THADA: variants seen among roughly 807,000 people sequenced by gnomAD.
THADA encodes tRNA (32-2'-O)-methyltransferase regulator THADA.
In THADA, 213 loss-of-function variants were observed where a neutral mutation model predicts 219.8. The ratio of observed to expected loss-of-function variants is 0.97; its 90% CI spans 0.87 to 1.09. The LOEUF is 1.09. Ranked by LOEUF, THADA falls within the 50% of genes least tolerant of loss-of-function variation. THADA has a pLI of 0.00. For synonymous variants in THADA, 1,018 were observed against 828.9 expected (o/e 1.23, Z -3.92); for missense variants, 2,956 against 2,311.3 (o/e 1.28, Z -5.72).
chr2:43,399,537 G>A (rs1489744933), intron 28 of THADA, among the ~76,000 whole-genome samples: 2 of 152,132 alleles, frequency 1.3e-5, no homozygotes, highest in Admixed American at 1.3e-4. Context: ...GGGGAGGCAG[G>A]GGAAGAGGAA....
chr2:43,557,895 T>C (rs1302659043), intron 16 of THADA, among the ~76,000 whole-genome samples: 1 of 152,256 alleles, frequency 6.6e-6, no homozygotes, highest in African/African-American at 2.4e-5. Context: ...AAATATCTGT[T>C]TATTTCAATT....
At chr2:43,293,378 C>CT (rs1674976564) in intron 31 of THADA, among the ~76,000 whole-genome samples, 165 bp from the exon 32 acceptor site, 1 of 152,190 alleles carries the variant, frequency 6.6e-6, no homozygotes, top group South Asian at 2.1e-4. Flanking sequence ...GTTCAGACTT[C>CT]TAGTCCACAA....
intron 29 of THADA, among the ~76,000 whole-genome samples, chr2:43,345,645 C>A (rs1443956464): frequency 6.6e-6 from 1 of 152,124 alleles, no homozygotes; most frequent in Non-Finnish European, 1.5e-5. Context: ...GAAAAAATAC[C>A]TTCCTCAGCC....
chr2:43,396,157 C>A (rs1449484438), intron 29 of THADA, among the ~76,000 whole-genome samples: 1 of 152,242 alleles, frequency 6.6e-6, no homozygotes, highest in Non-Finnish European at 1.5e-5. Flanking sequence ...AATTTGAAAA[C>A]TGCCAACCTA....
chr2:43,297,823 G>C (rs1675716320), intron 31 of THADA, among the ~76,000 whole-genome samples: 1 of 123,630 alleles, frequency 8.1e-6, no homozygotes, highest in Non-Finnish European at 1.7e-5. Flanking sequence ...GAGGGAGGTG[G>C]GGGGGGATCA....
intron 24 of THADA, among the ~76,000 whole-genome samples, chr2:43,502,382 C>A (rs896180379): frequency 6.6e-6 from 1 of 151,980 alleles, no homozygotes; most frequent in Non-Finnish European, 1.5e-5. Context: ...GTCAGGAGTT[C>A]GAGACTAGCC....
chr2:43,344,100 C>T (rs758150483), intron 30 of THADA, 22 bp downstream of exon 30: 1 of 1,541,780 alleles, frequency 6.5e-7, no homozygotes, highest in Admixed American at 1.8e-5. Flanking sequence ...TAACTCCTTG[C>T]TCATGTGGGA....
At chr2:43,439,120 C>T (rs964454965) in intron 26 of THADA, among the ~76,000 whole-genome samples, 1 of 152,124 alleles carries the variant, frequency 6.6e-6, no homozygotes, top group South Asian at 2.1e-4. Context: ...TCACAGAAAG[C>T]GAAACCATAG....
chr2:43,282,808 C>T (rs1260301113), intron 35 of THADA, among the ~76,000 whole-genome samples: 1 of 152,244 alleles, frequency 6.6e-6, no homozygotes, highest in Non-Finnish European at 1.5e-5. Context: ...TCTTATACAT[C>T]ATTGACATGC....
intron 28 of THADA, among the ~76,000 whole-genome samples, chr2:43,417,134 C>T (rs1677095564): frequency 7.0e-6 from 1 of 142,456 alleles, no homozygotes; most frequent in African/African-American, 2.6e-5. Flanking sequence ...AAAGTACACT[C>T]TAAACTTAAA....
At chr2:43,508,807 C>A (rs548820422) in intron 22 of THADA, 27 bp from the exon 23 acceptor site, 3 of 1,608,112 alleles carry the variant, frequency 1.9e-6, no homozygotes, top group Non-Finnish European at 8.5e-7. Context: ...ATCAAATATT[C>A]GGAATTAGGT....
At chr2:43,279,167 G>A (rs961725634) in intron 36 of THADA, among the ~76,000 whole-genome samples, 1 of 152,114 alleles carries the variant, frequency 6.6e-6, no homozygotes, top group Non-Finnish European at 1.5e-5. Context: ...ACATGACCCC[G>A]GGCCTGGGGC....
At chr2:43,311,247 T>C (rs886320676) in intron 31 of THADA, among the ~76,000 whole-genome samples, 1 of 151,490 alleles carries the variant, frequency 6.6e-6, no homozygotes, top group Non-Finnish European at 1.5e-5. Context: ...TGAAGATATA[T>C]AAATGACCAA....
chr2:43,362,954 G>T (rs72879235), intron 29 of THADA, among the ~76,000 whole-genome samples: 3 of 151,868 alleles, frequency 2.0e-5, no homozygotes. Context: ...GACTACACAG[G>T]GTCAGGATCA....
At chr2:43,258,275 C>T (rs961061562) in intron 36 of THADA, among the ~76,000 whole-genome samples, 8 of 152,110 alleles carry the variant, frequency 5.3e-5, no homozygotes, top group Admixed American at 2.0e-4. Flanking sequence ...GTAATCCCAG[C>T]ACTTTGGGAG....
chr2:43,384,906 G>A (rs749433942), intron 29 of THADA, among the ~76,000 whole-genome samples: 18 of 152,174 alleles, frequency 1.2e-4, no homozygotes, highest in Non-Finnish European at 2.2e-4. Context: ...TTGGGAGGCC[G>A]AAGACATGCA....
chr2:43,591,035 C>A (rs1701506099), intron 3 of THADA, 81 bp from the exon 4 acceptor site: 2 of 1,376,842 alleles, frequency 1.5e-6, no homozygotes, highest in African/African-American at 2.9e-5. Context: ...TTTGAAGTCT[C>A]AATTGCTGGG....
At chr2:43,452,490 C>G (rs993907888) in intron 26 of THADA, among the ~76,000 whole-genome samples, 1 of 152,042 alleles carries the variant, frequency 6.6e-6, no homozygotes, top group Non-Finnish European at 1.5e-5. Flanking sequence ...AGTCATTAGA[C>G]ATTCCAAGGT....
intron 26 of THADA, among the ~76,000 whole-genome samples, chr2:43,470,450 C>T (rs1261057972): frequency 1.3e-5 from 2 of 151,920 alleles, no homozygotes; most frequent in Non-Finnish European, 2.9e-5. Context: ...AAGTAAACTA[C>T]GATTTGTCCA....
Sources: allele counts gnomAD v4.1 joint callset (sites outside exome capture counted in the v4.1 genomes callset), GRCh38; gene constraint gnomAD v4.1.1; transcripts MANE v1.5; gene names NCBI Gene and HGNC (gene_info 2026-07-23, HGNC 2026-07-21).